The following TTC3 variants were observed in gnomAD, a reference collection of about 807,000 sequenced individuals.
The protein encoded by TTC3 is E3 ubiquitin-protein ligase TTC3.
A neutral mutation model predicts 249.6 loss-of-function variants in TTC3; 180 were observed. The ratio of observed to expected loss-of-function variants is 0.72; its 90% CI spans 0.64 to 0.82. The LOEUF (loss-of-function observed/expected upper bound fraction) is 0.82. Ranked by LOEUF, TTC3 falls within the 40% of genes least tolerant of loss-of-function variation. The probability of loss-of-function intolerance (pLI) is 0.00; values close to 1 mark genes in which losing one functional copy is unlikely to be tolerated. For synonymous variants in TTC3, 717 were observed against 805.0 expected (o/e 0.89, Z 1.85); for missense variants, 2,061 against 2,398.4 (o/e 0.86, Z 2.94).
intron 16 of TTC3, among the ~76,000 whole-genome samples, chr21:37,132,276 C>T (rs1253219459): frequency 6.6e-6 from 1 of 151,766 alleles, no homozygotes; most frequent in African/African-American, 2.4e-5. Context: ...ATATTTTTTT[C>T]TTCTATCTGT....
chr21:37,188,878 T>C (rs1052149608), intron 39 of TTC3, among the ~76,000 whole-genome samples: 6 of 152,232 alleles, frequency 3.9e-5, no homozygotes, highest in African/African-American at 1.4e-4. Flanking sequence ...AGGAAATTTA[T>C]TTTCATATTG....
At chr21:37,135,241 A>G in intron 17 of TTC3, 139 bp from the exon 18 acceptor site, 1 of 912,468 alleles carries the variant, frequency 1.1e-6, no homozygotes, top group Non-Finnish European at 1.6e-6. Context: ...AGAAAGGAAT[A>G]TGATGAATAA....
exon 42 of TTC3, chr21:37,195,705 G>A (rs1452214345): frequency 2.5e-6 from 4 of 1,612,922 alleles, no homozygotes; most frequent in African/African-American, 1.3e-5. Context: ...TGAGTCTTCA[G>A]GCGACGATGG....
intron 35 of TTC3, among the ~76,000 whole-genome samples, chr21:37,181,632 C>G (rs1374233575): frequency 1.3e-5 from 2 of 152,206 alleles, no homozygotes; most frequent in African/African-American, 4.8e-5. Context: ...GAACAGTTGT[C>G]CTGTGCCAAA....
chr21:37,121,162 A>G (rs1168498202), intron 11 of TTC3: 1 of 152,226 alleles, frequency 6.6e-6, no homozygotes, highest in Non-Finnish European at 1.5e-5. Flanking sequence ...TGGACCAGCA[A>G]AGATTTTGGT....
chr21:37,190,130 C>CTTTTT (rs138862573), intron 39 of TTC3, among the ~76,000 whole-genome samples: 1,804 of 65,090 alleles, frequency 0.028, 70 homozygotes, highest in Middle Eastern at 0.069. Flanking sequence ...CTTTTTCTTT[C>CTTTTT]TTTTTTTTTT....
At chr21:37,166,731 G>T in intron 33 of TTC3, 116 bp downstream of exon 33, 1 of 1,425,522 alleles carries the variant, frequency 7.0e-7, no homozygotes, top group Non-Finnish European at 9.2e-7. Context: ...AATGATTACT[G>T]AAGCTTTTGC....
At chr21:37,088,389 A>T in intron 4 of TTC3, 43 bp downstream of exon 4, 1 of 1,576,114 alleles carries the variant, frequency 6.3e-7, no homozygotes, top group African/African-American at 1.3e-5. Flanking sequence ...ACAGTGATAA[A>T]CATGTTACCC....
At chr21:37,147,317 T>A (rs2079065602) in intron 21 of TTC3, among the ~76,000 whole-genome samples, 164 bp from the exon 22 acceptor site, 1 of 152,220 alleles carries the variant, frequency 6.6e-6, no homozygotes, top group Non-Finnish European at 1.5e-5. Flanking sequence ...GCCTTCCTTT[T>A]AAAAGGAAAA....
chr21:37,201,902 A>G (rs1477369782), exon 46 of TTC3: 1 of 240,764 alleles, frequency 4.2e-6, no homozygotes, highest in African/African-American at 2.3e-5. Flanking sequence ...AATTCTTAAC[A>G]TAGCCAAGCG....
At chr21:37,119,717 T>C (rs2076435345) in intron 11 of TTC3, among the ~76,000 whole-genome samples, 1 of 152,218 alleles carries the variant, frequency 6.6e-6, no homozygotes, top group Admixed American at 6.5e-5. Context: ...CTCTCTTTTG[T>C]TGCCTTGTTT....
At chr21:37,080,469 T>C (rs1488725501) in intron 1 of TTC3, among the ~76,000 whole-genome samples, 2 of 152,138 alleles carry the variant, frequency 1.3e-5, no homozygotes, top group African/African-American at 4.8e-5. Context: ...AATTGTTAAG[T>C]GTCTATTAGG....
chr21:37,115,004 G>T (rs1296679189), intron 11 of TTC3, among the ~76,000 whole-genome samples: 1 of 151,900 alleles, frequency 6.6e-6, no homozygotes. Context: ...GACACAGGAA[G>T]GGGAACATCA....
At chr21:37,174,354 G>A (rs2082058571) in intron 35 of TTC3, among the ~76,000 whole-genome samples, 2 of 152,168 alleles carry the variant, frequency 1.3e-5, no homozygotes, top group Non-Finnish European at 1.5e-5. Context: ...GACTTGCCAC[G>A]TAAAATGTAT....
In TTC3 at chr21:37,198,042, A is replaced by G. The variant is rs375441908; in HGVS notation, c.5850+17A>G. On this transcript the variant is annotated intron_variant, in intron 44 of 45. Transcript: ENST00000355666. ...GTGAGGATTGTATGTATAACTGTATAGTTTTGTTTTTTAATGAAAAACAAG... is the reference window on the plus strand; with the variant it reads ...GTGAGGATTGTATGTATAACTGTATGGTTTTGTTTTTTAATGAAAAACAAG... 2.6e-4 allele frequency: 406 copies of G among 1,551,362 alleles called. No individual in the cohort carries two copies. Among genetic ancestry groups the G allele is most frequent in the Admixed American group, 6.9e-4 (33 of 47,548 alleles).
chr21:37,116,093 G>A (rs777309080), intron 11 of TTC3, among the ~76,000 whole-genome samples: 1 of 152,100 alleles, frequency 6.6e-6, no homozygotes, highest in Non-Finnish European at 1.5e-5. Context: ...TTGGTGTTTG[G>A]TTCACTTCAC....
exon 1 of TTC3, chr21:37,073,315 GGCTGCT>G (rs16998912): frequency 5.2e-6 from 2 of 382,360 alleles, no homozygotes; most frequent in Non-Finnish European, 7.2e-6. Context: ...CGGCGGCGGC[GGCTGCT>G]GCTGCTGCTG....
At chr21:37,177,458 T>A (rs534722448) in intron 35 of TTC3, among the ~76,000 whole-genome samples, 2 of 152,318 alleles carry the variant, frequency 1.3e-5, no homozygotes, top group East Asian at 3.9e-4. Context: ...ATCCCTCCAC[T>A]ACAGTAGGTC....
chr21:37,196,320 TCTCC>T (rs2084910334), intron 42 of TTC3, among the ~76,000 whole-genome samples: 1 of 147,480 alleles, frequency 6.8e-6, no homozygotes, highest in African/African-American at 2.5e-5. Flanking sequence ...CCCTGCAACC[TCTCC>T]CTCCCGAGTT....
Sources: gnomAD v4.1 joint callset for allele counts (sites outside exome capture counted in the v4.1 genomes callset) on GRCh38, gnomAD v4.1.1 for gene constraint, MANE v1.5 for transcripts, NCBI Gene and HGNC (gene_info 2026-07-23, HGNC 2026-07-21) for gene names.